The following HPSE2 variants were observed in gnomAD, a reference collection of about 807,000 sequenced individuals.
HPSE2 encodes the protein heparanase 2 (inactive), also known as inactive heparanase-2.
HPSE2 carries 38 observed loss-of-function variants against 60.5 expected under a neutral mutation model. The observed-to-expected ratio is 0.63, with a 90% CI of 0.48 to 0.82. The LOEUF (loss-of-function observed/expected upper bound fraction) is 0.82, where lower values mean the gene tolerates loss of function less well. Ranked by LOEUF, HPSE2 falls within the 40% of genes least tolerant of loss-of-function variation. The pLI, the probability that HPSE2 is intolerant of heterozygous loss-of-function variation, is 0.00. For missense variants in HPSE2, 713 were observed against 740.4 expected (o/e 0.96, Z 0.43); for synonymous variants, 295 against 293.2 (o/e 1.01, Z -0.06).
At chr10:99,230,496 G>T (rs970021671) in intron 2 of HPSE2, among the ~76,000 whole-genome samples, 9 of 151,928 alleles carry the variant, frequency 5.9e-5, no homozygotes, top group African/African-American at 2.2e-4. Flanking sequence ...ACGTGATAGA[G>T]GACTGAAGGT....
chr10:99,219,835 C>T (rs905790867), intron 2 of HPSE2, among the ~76,000 whole-genome samples: 2 of 152,188 alleles, frequency 1.3e-5, no homozygotes, highest in African/African-American at 2.4e-5. Flanking sequence ...TGGTGACCTT[C>T]TGCCTTCTTT....
At chr10:99,106,408 T>G (rs1474448970) in intron 3 of HPSE2, among the ~76,000 whole-genome samples, 1 of 152,110 alleles carries the variant, frequency 6.6e-6, no homozygotes, top group African/African-American at 2.4e-5. Context: ...TTTTATCAAA[T>G]GTTTTTTCTG....
intron 2 of HPSE2, among the ~76,000 whole-genome samples, chr10:99,215,085 T>C (rs1391115721): frequency 6.6e-6 from 1 of 152,192 alleles, no homozygotes; most frequent in Non-Finnish European, 1.5e-5. Context: ...ATCCCATTAC[T>C]GGGTATATAC....
intron 3 of HPSE2, among the ~76,000 whole-genome samples, chr10:99,035,003 G>GACTACT (rs1268685015): frequency 6.6e-6 from 1 of 152,160 alleles, no homozygotes; most frequent in African/African-American, 2.4e-5. Flanking sequence ...AGTGAGTGGT[G>GACTACT]AGTAGATGTG....
chr10:98,749,506 T>C (rs559147229), intron 3 of HPSE2, among the ~76,000 whole-genome samples: 1 of 151,550 alleles, frequency 6.6e-6, no homozygotes, highest in South Asian at 2.1e-4. Context: ...TATATATGCA[T>C]ATATACATAC....
chr10:98,910,754 T>A (rs902472860), intron 3 of HPSE2, among the ~76,000 whole-genome samples: 1 of 152,214 alleles, frequency 6.6e-6, no homozygotes, highest in African/African-American at 2.4e-5. Context: ...GATCTTGAAC[T>A]CATGTCGGCT....
chr10:98,921,027 T>C (rs1954268059), intron 3 of HPSE2, among the ~76,000 whole-genome samples: 1 of 152,190 alleles, frequency 6.6e-6, no homozygotes, highest in African/African-American at 2.4e-5. Context: ...GTGTGCAGGC[T>C]CTGTACTCCT....
chr10:98,850,047 C>T (rs1952132115), intron 3 of HPSE2, among the ~76,000 whole-genome samples: 2 of 152,132 alleles, frequency 1.3e-5, no homozygotes, highest in East Asian at 3.9e-4. Flanking sequence ...CCCAGCCAAT[C>T]TTATTTTTTA....
chr10:99,020,914 T>C (rs1450543955), intron 3 of HPSE2, among the ~76,000 whole-genome samples: 1 of 152,168 alleles, frequency 6.6e-6, no homozygotes, highest in East Asian at 1.9e-4. Flanking sequence ...AGGCCATGGA[T>C]ATGTTCTGGA....
At chr10:99,153,201 G>T (rs895600200) in intron 2 of HPSE2, among the ~76,000 whole-genome samples, 15 of 152,218 alleles carry the variant, frequency 9.9e-5, no homozygotes, top group Non-Finnish European at 1.9e-4. Flanking sequence ...GCCCAGGCTT[G>T]CTTAGGTAAA....
At chr10:99,208,697 T>TAA (rs201709270) in intron 2 of HPSE2, among the ~76,000 whole-genome samples, 3 of 118,348 alleles carry the variant, frequency 2.5e-5, no homozygotes, top group Admixed American at 8.7e-5. Flanking sequence ...AAAATAAAAA[T>TAA]AAAAAAAAAA....
chr10:98,793,898 TA>T (rs1950713772), intron 3 of HPSE2, among the ~76,000 whole-genome samples: 1 of 152,118 alleles, frequency 6.6e-6, no homozygotes, highest in Non-Finnish European at 1.5e-5. Flanking sequence ...TGAATACTAA[TA>T]AAAGGAAGTG....
chr10:98,512,974 T>G (rs967531924), intron 9 of HPSE2, among the ~76,000 whole-genome samples: 1 of 152,226 alleles, frequency 6.6e-6, no homozygotes, highest in Non-Finnish European at 1.5e-5. Flanking sequence ...CAGAACCATT[T>G]CTTTCTCCTG....
intron 5 of HPSE2, among the ~76,000 whole-genome samples, chr10:98,713,533 T>C (rs1168357158): frequency 6.6e-6 from 1 of 151,796 alleles, no homozygotes; most frequent in African/African-American, 2.4e-5. Flanking sequence ...TAGTGGAACA[T>C]TAATCCCTCA....
At chr10:98,527,734 C>T (rs1943012907) in intron 9 of HPSE2, among the ~76,000 whole-genome samples, 2 of 152,162 alleles carry the variant, frequency 1.3e-5, no homozygotes, top group Non-Finnish European at 2.9e-5. Context: ...TGTCTGTTTC[C>T]TTTGTAGCTA....
chr10:99,091,772 GATGTTGTAGTTCTGCCGTATCA>G (rs1358593711), intron 3 of HPSE2, among the ~76,000 whole-genome samples: 1 of 152,054 alleles, frequency 6.6e-6, no homozygotes, highest in Non-Finnish European at 1.5e-5. Flanking sequence ...AAATGTTCTT[GATGTTGTAGTTCTGCCGTATCA>G]TTTTTTCTCA....
intron 3 of HPSE2, among the ~76,000 whole-genome samples, chr10:99,074,202 T>A (rs1038030319): frequency 6.6e-6 from 1 of 152,176 alleles, no homozygotes. Context: ...TTTTCATATA[T>A]GGCCATTATG....
intron 3 of HPSE2, among the ~76,000 whole-genome samples, chr10:98,943,721 T>C (rs1261546138): frequency 1.3e-5 from 2 of 152,206 alleles, no homozygotes; most frequent in East Asian, 1.9e-4. Context: ...AGAAAGCCTA[T>C]GTGGTAAGGA....
chr10:98,832,595 C>A (rs1429445625), intron 3 of HPSE2, among the ~76,000 whole-genome samples: 1 of 152,136 alleles, frequency 6.6e-6, no homozygotes, highest in Non-Finnish European at 1.5e-5. Flanking sequence ...AGCTAAGAAT[C>A]TGCACCAGAT....
Sources: gnomAD v4.1 joint callset for allele counts (sites outside exome capture counted in the v4.1 genomes callset) on GRCh38, gnomAD v4.1.1 for gene constraint, MANE v1.5 for transcripts, NCBI Gene and HGNC (gene_info 2026-07-23, HGNC 2026-07-21) for gene names.